Variants in MARCHF1 observed in about 807,000 individuals in gnomAD.
MARCHF1 encodes membrane associated ring-CH-type finger 1.
In MARCHF1, 40 loss-of-function variants were observed where a neutral mutation model predicts 54.2. The observed-to-expected ratio is 0.74, with a 90% CI of 0.57 to 0.96. The LOEUF (loss-of-function observed/expected upper bound fraction) is 0.96. MARCHF1 is among the 40% of genes least tolerant of loss of function. The pLI is 0.00. For synonymous variants in MARCHF1, 236 were observed against 236.3 expected (o/e 1.00, Z 0.01); for missense variants, 586 against 656.5 (o/e 0.89, Z 1.17).
At chr4:164,268,801 T>G (rs1389205337) in intron 1 of MARCHF1, among the ~76,000 whole-genome samples, 4 of 152,226 alleles carry the variant, frequency 2.6e-5, no homozygotes, top group Non-Finnish European at 5.9e-5. Flanking sequence ...TATAACAATT[T>G]TATGGACTAG....
At chr4:164,123,569 A>G (rs1003825287) in intron 1 of MARCHF1, among the ~76,000 whole-genome samples, 1 of 152,170 alleles carries the variant, frequency 6.6e-6, no homozygotes, top group African/African-American at 2.4e-5. Context: ...AGCTATAGTA[A>G]CCAAGCAGCA....
intron 1 of MARCHF1, among the ~76,000 whole-genome samples, chr4:164,321,844 CTAATA>C (rs1355521359): frequency 3.9e-5 from 6 of 151,998 alleles, no homozygotes; most frequent in Non-Finnish European, 8.8e-5. Context: ...CTAGTGTAAT[CTAATA>C]TAATTAATTA....
chr4:164,046,633 T>C (rs150856668), intron 2 of MARCHF1, among the ~76,000 whole-genome samples: 1 of 152,322 alleles, frequency 6.6e-6, no homozygotes, highest in African/African-American at 2.4e-5. Context: ...GAGTTTTTAA[T>C]CTAAGATAAG....
At chr4:163,602,996 G>T (rs80356360) in intron 7 of MARCHF1, among the ~76,000 whole-genome samples, 1 of 152,092 alleles carries the variant, frequency 6.6e-6, no homozygotes, top group South Asian at 2.1e-4. Context: ...AAAGAATGAG[G>T]CTGCCCCAGG....
intron 1 of MARCHF1, among the ~76,000 whole-genome samples, chr4:164,142,846 A>G (rs1412314924): frequency 1.3e-5 from 2 of 152,184 alleles, no homozygotes; most frequent in East Asian, 3.8e-4. Flanking sequence ...AGCTGAGAGA[A>G]GAAGGCTTCA....
chr4:164,209,886 A>T (rs1731716643), intron 1 of MARCHF1, among the ~76,000 whole-genome samples: 1 of 152,188 alleles, frequency 6.6e-6, no homozygotes, highest in Non-Finnish European at 1.5e-5. Flanking sequence ...TAATGATGAG[A>T]AAAGGTCCAA....
At chr4:164,297,318 G>A (rs1404836309) in intron 1 of MARCHF1, among the ~76,000 whole-genome samples, 2 of 152,144 alleles carry the variant, frequency 1.3e-5, no homozygotes, top group African/African-American at 2.4e-5. Context: ...GGAGAAATCT[G>A]GCAAAGAGTA....
At chr4:163,828,938 A>T (rs947802399) in intron 4 of MARCHF1, 2 of 152,220 alleles carry the variant, frequency 1.3e-5, no homozygotes, top group Non-Finnish European at 2.9e-5. Flanking sequence ...TGTCCCCTTG[A>T]TTGAAGGTCT....
At chr4:163,771,261 T>C (rs954456171) in intron 4 of MARCHF1, among the ~76,000 whole-genome samples, 1 of 152,212 alleles carries the variant, frequency 6.6e-6, no homozygotes, top group African/African-American at 2.4e-5. Flanking sequence ...CAGTCTACGA[T>C]GTACGGGACA....
intron 1 of MARCHF1, among the ~76,000 whole-genome samples, chr4:164,245,162 G>T (rs1380995949): frequency 4.6e-5 from 7 of 152,082 alleles, no homozygotes; most frequent in Non-Finnish European, 1.0e-4. Flanking sequence ...CAAAAAAAGA[G>T]AATTTTAGAC....
intron 1 of MARCHF1, among the ~76,000 whole-genome samples, chr4:164,142,490 G>A (rs1756572404): frequency 6.6e-6 from 1 of 152,204 alleles, no homozygotes; most frequent in Admixed American, 6.5e-5. Flanking sequence ...CCAGCAGACA[G>A]CCTCCTCAAG....
intron 5 of MARCHF1, among the ~76,000 whole-genome samples, chr4:163,624,834 A>C (rs1235199263): frequency 6.6e-6 from 1 of 152,160 alleles, no homozygotes; most frequent in African/African-American, 2.4e-5. Flanking sequence ...GAAATAGGAA[A>C]ATATTATTCT....
rs959376212 is a variant in MARCHF1, at chr4:163,613,391, T to C, written c.165A>G (p.Ala55=). Residue 55 remains alanine, a splice_region_variant and synonymous_variant, in exon 6 of 10, where the codon GCA becomes GCG. Coordinates refer to ENST00000514618, the MANE Select transcript of MARCHF1 (RefSeq NM_001394959.1). ...GAGCTGTCCCTGTTGTTGGGCTGCT[T>C]GCCTGGAGAAACAAGTTAGATAATT... ...SASRSSNISK[A]SSPTTGTAPR... 3.1e-6 allele frequency: 5 copies of C among 1,613,236 alleles called. No individual in the cohort carries two copies. The highest frequency in any genetic ancestry group is 4.2e-6 in the Non-Finnish European group (5 of 1,179,566).
intron 3 of MARCHF1, among the ~76,000 whole-genome samples, chr4:163,922,358 T>TATA (rs901979235): frequency 1.3e-4 from 20 of 152,176 alleles, no homozygotes; most frequent in African/African-American, 2.4e-4. Context: ...GAACTTAAAG[T>TATA]ATAATAATAA....
At chr4:164,056,996 G>A (rs536139710) in intron 2 of MARCHF1, among the ~76,000 whole-genome samples, 4 of 152,194 alleles carry the variant, frequency 2.6e-5, no homozygotes, top group South Asian at 4.2e-4. Flanking sequence ...GTAGGGAAGC[G>A]ATCCAGGCAC....
rs71595261 is a variant in MARCHF1, at chr4:164,176,980, C to CTA, written c.-322-65320_-322-65319dup. On this transcript the variant is annotated intron_variant, in intron 1 of 9. Transcript: ENST00000514618. Reference sequence around the variant, plus strand: ...TCTCTCTCTCTCTCTCTCTCTCTCTCTATATATATATATATATATATATAT... The same window carrying CTA: ...TCTCTCTCTCTCTCTCTCTCTCTCTCTATATATATATATATATATATATATAT... 2.9e-3 allele frequency among the ~76,000 whole-genome samples: 170 copies of CTA among 58,864 alleles called. 6 individuals carry two copies. Among genetic ancestry groups the CTA allele is most frequent in the East Asian group, 8.6e-3 (17 of 1,974 alleles). 38.6% of individuals were successfully genotyped at this position (58,864 alleles called of 152,430 possible).
rs35911035 is a variant in MARCHF1 at position 164,364,692 on chromosome 4, C to CT, written c.-323+19177dup. Among the ~76,000 whole-genome samples the CT allele has an allele frequency of 4.6e-3, 665 of 144,540 alleles. 6 individuals carry two copies. Among genetic ancestry groups the CT allele is most frequent in the South Asian group, 0.015 (68 of 4,556 alleles). The allele number at this position is 144,540 out of a possible 152,430, so 94.8% of individuals were successfully genotyped here. ...TGTAACCTTCTCTTGAACAATTTTC[C>CT]TTTTTTTTTTTAAATAAAAAGACAA... On this transcript the variant is annotated intron_variant, in intron 1 of 9. Transcript: ENST00000514618.
At chr4:163,771,825 C>G (rs111852694) in intron 4 of MARCHF1, among the ~76,000 whole-genome samples, 1,913 of 152,264 alleles carry the variant, frequency 0.013, 41 homozygotes, top group African/African-American at 0.043. Flanking sequence ...ACATTTTCCC[C>G]CTTTCAGGTT....
intron 1 of MARCHF1, among the ~76,000 whole-genome samples, chr4:164,320,043 ATCTC>A (rs1257274118): frequency 6.6e-6 from 1 of 152,124 alleles, no homozygotes; most frequent in African/African-American, 2.4e-5. Context: ...GACAAGAACA[ATCTC>A]TATCATATGT....
Sources: allele counts gnomAD v4.1 joint callset (sites outside exome capture counted in the v4.1 genomes callset), GRCh38; gene constraint gnomAD v4.1.1; transcripts MANE v1.5; gene names NCBI Gene and HGNC (gene_info 2026-07-23, HGNC 2026-07-21).